ABCB5: variants seen among roughly 807,000 people sequenced by gnomAD.
The protein encoded by ABCB5 is ATP-binding cassette sub-family B member 5.
ABCB5 carries 155 observed loss-of-function variants against 144.2 expected under a neutral mutation model. The ratio of observed to expected loss-of-function variants is 1.08; its 90% CI spans 0.94 to 1.23. ABCB5 has a LOEUF of 1.23. Ranked by LOEUF, ABCB5 falls within the 50% of genes most tolerant of loss-of-function variation. ABCB5 has a pLI of 0.00. For missense variants in ABCB5, 1,830 were observed against 1,520.8 expected (o/e 1.20, Z -3.38); for synonymous variants, 610 against 528.6 (o/e 1.15, Z -2.11).
chr7:20,621,615 T>C (rs1783807057), intron 1 of ABCB5, among the ~76,000 whole-genome samples: 1 of 151,996 alleles, frequency 6.6e-6, no homozygotes, highest in South Asian at 2.1e-4. Context: ...CAATTCTTCA[T>C]GAGGAAAGAG....
chr7:20,706,805 G>A (rs535870700), intron 20 of ABCB5, among the ~76,000 whole-genome samples: 1 of 152,240 alleles, frequency 6.6e-6, no homozygotes, highest in South Asian at 2.1e-4. Context: ...CTGTACTCCA[G>A]CCTGGACAAC....
At chr7:20,741,274 A>C (rs1782553441) in intron 24 of ABCB5, among the ~76,000 whole-genome samples, 2 of 152,078 alleles carry the variant, frequency 1.3e-5, no homozygotes, top group Admixed American at 1.3e-4. Context: ...TTTTAAATGT[A>C]TTAAATTTAG....
chr7:20,654,184 T>TTTTTTG (rs1037462202), intron 13 of ABCB5, among the ~76,000 whole-genome samples: 2 of 152,144 alleles, frequency 1.3e-5, no homozygotes, highest in Admixed American at 6.5e-5. Flanking sequence ...GCACTGTTTT[T>TTTTTTG]TTTTTGTTTT....
intron 16 of ABCB5, among the ~76,000 whole-genome samples, chr7:20,687,408 A>G (rs1171835254): frequency 1.3e-5 from 2 of 152,260 alleles, no homozygotes; most frequent in Non-Finnish European, 2.9e-5. Flanking sequence ...ATAAAATGAG[A>G]AAAAACAATA....
At chr7:20,683,435 T>A (rs1430896749) in intron 15 of ABCB5, among the ~76,000 whole-genome samples, 1 of 152,184 alleles carries the variant, frequency 6.6e-6, no homozygotes, top group African/African-American at 2.4e-5. Flanking sequence ...AGGAAATAAC[T>A]GGTCGAATTA....
Position 20,627,735 on chromosome 7 carries a change from G to A in ABCB5, c.109-953G>A, listed in dbSNP as rs371800305. 8.9e-4 allele frequency among the ~76,000 whole-genome samples: 136 copies of A among 151,960 alleles called. 6 individuals carry two copies. In the South Asian group the frequency reaches 0.027, roughly 30 times the overall value. ...TTCTGTGTAGAAAAAAAAATCTAAG[G>A]AATTTAAAATAATCACAAATATAAT... On this transcript the variant is annotated intron_variant, in intron 3 of 27. Coordinates refer to ENST00000404938, the MANE Select transcript of ABCB5 (RefSeq NM_001163941.2).
chr7:20,622,974 T>C (rs1011996010), intron 1 of ABCB5, among the ~76,000 whole-genome samples: 4 of 152,088 alleles, frequency 2.6e-5, no homozygotes, highest in Non-Finnish European at 5.9e-5. Flanking sequence ...TGACAAACAG[T>C]GCATTTTCCG....
At chr7:20,680,229 T>C (rs1583420417) in intron 14 of ABCB5, among the ~76,000 whole-genome samples, 1 of 152,042 alleles carries the variant, frequency 6.6e-6, no homozygotes, top group East Asian at 1.9e-4. Context: ...CTGTTAGAAA[T>C]CGGGATAGTG....
chr7:20,724,532 G>A (rs962661967), intron 21 of ABCB5, among the ~76,000 whole-genome samples: 5 of 150,746 alleles, frequency 3.3e-5, no homozygotes, highest in African/African-American at 1.2e-4. Context: ...GGGAGGCTGA[G>A]GCAGGAGAAT....
At chr7:20,704,896 G>A in intron 20 of ABCB5, 89 bp downstream of exon 20, 2 of 1,015,854 alleles carry the variant, frequency 2.0e-6, no homozygotes, top group South Asian at 3.3e-5. Flanking sequence ...TATGTGAGCT[G>A]TGCTGAGATG....
intron 16 of ABCB5, among the ~76,000 whole-genome samples, chr7:20,689,151 A>G (rs1432871935): frequency 1.3e-5 from 2 of 152,178 alleles, no homozygotes; most frequent in African/African-American, 2.4e-5. Context: ...AAAGAAAGTT[A>G]AGACACCTCT....
At chr7:20,740,809 T>C (rs1424979597) in intron 24 of ABCB5, among the ~76,000 whole-genome samples, 1 of 152,038 alleles carries the variant, frequency 6.6e-6, no homozygotes, top group Admixed American at 6.6e-5. Context: ...TCTACGCTTT[T>C]AAAAATTAAA....
At chr7:20,711,864 TCC>T (rs1787081120) in intron 20 of ABCB5, among the ~76,000 whole-genome samples, 3 of 42,280 alleles carry the variant, frequency 7.1e-5, no homozygotes, top group Non-Finnish European at 1.3e-4. Flanking sequence ...TTTCTTTCCT[TCC>T]TCCCTCCCTC....
At chr7:20,733,251 A>AT (rs1458197299) in intron 23 of ABCB5, among the ~76,000 whole-genome samples, 1 of 152,080 alleles carries the variant, frequency 6.6e-6, no homozygotes, top group African/African-American at 2.4e-5. Context: ...CTGTGAAATT[A>AT]TTTTTTAAAT....
At chr7:20,682,026 G>A (rs1785848734) in intron 15 of ABCB5, among the ~76,000 whole-genome samples, 1 of 152,068 alleles carries the variant, frequency 6.6e-6, no homozygotes, top group African/African-American at 2.4e-5. Context: ...CCAACATGGT[G>A]AAACCTTGTC....
At chr7:20,728,486 G>A (rs775582587) in intron 23 of ABCB5, 31 bp downstream of exon 23, 3 of 1,608,048 alleles carry the variant, frequency 1.9e-6, no homozygotes, top group East Asian at 2.2e-5. Flanking sequence ...GGACCTGGTA[G>A]CTCACACCTG....
intron 19 of ABCB5, among the ~76,000 whole-genome samples, chr7:20,701,331 T>C (rs1227781907): frequency 6.6e-6 from 1 of 152,234 alleles, no homozygotes; most frequent in Non-Finnish European, 1.5e-5. Flanking sequence ...TTGTTGACTA[T>C]TTCTGCTCAT....
At chr7:20,617,770 A>T (rs1031251005) in intron 1 of ABCB5, among the ~76,000 whole-genome samples, 2 of 152,246 alleles carry the variant, frequency 1.3e-5, no homozygotes, top group Admixed American at 1.3e-4. Context: ...AAGGATAAAA[A>T]GAGATAATCC....
intron 20 of ABCB5, among the ~76,000 whole-genome samples, chr7:20,713,568 G>A (rs1376314841): frequency 6.7e-6 from 1 of 149,712 alleles, no homozygotes; most frequent in Non-Finnish European, 1.5e-5. Context: ...GCTACACATT[G>A]TGAATTTAAA....
Sources: gnomAD v4.1 joint callset for allele counts (sites outside exome capture counted in the v4.1 genomes callset) on GRCh38, gnomAD v4.1.1 for gene constraint, MANE v1.5 for transcripts, NCBI Gene and HGNC (gene_info 2026-07-23, HGNC 2026-07-21) for gene names.